TENM2: variants seen among roughly 807,000 people sequenced by gnomAD.
The protein encoded by TENM2 is teneurin-2.
TENM2 carries 52 observed loss-of-function variants against 245.2 expected under a neutral mutation model. The ratio of observed to expected loss-of-function variants is 0.21; its 90% CI spans 0.17 to 0.27. TENM2 has a LOEUF of 0.27. Among genes scored for constraint, TENM2 ranks in the 10% least tolerant of loss-of-function variants. TENM2 has a pLI of 1.00. For missense variants in TENM2, 3,046 were observed against 3,666.8 expected, an observed-to-expected ratio of 0.83 and a Z score of 4.37; for synonymous variants, 1,363 against 1,438.9, an observed-to-expected ratio of 0.95 and a Z score of 1.19.
chr5:166,993,379 C>T, the TENM2 span, among the ~76,000 whole-genome samples: 13 of 152,076 alleles, frequency 8.5e-5, no homozygotes, highest in Admixed American at 5.9e-4. Context: ...TACATAAATC[C>T]ATCTTTCAAA....
intron 2 of TENM2, among the ~76,000 whole-genome samples, chr5:167,702,697 A>G (rs111241618): frequency 0.046 from 7,006 of 151,610 alleles, 548 homozygotes; most frequent in African/African-American, 0.16. Flanking sequence ...TCCCTCTGTT[A>G]CAAGACTCTC....
At chr5:167,096,232 C>G in the TENM2 span, among the ~76,000 whole-genome samples, 5 of 152,176 alleles carry the variant, frequency 3.3e-5, no homozygotes. Context: ...CTACATCTAT[C>G]ACCTCACATA....
intron 2 of TENM2, among the ~76,000 whole-genome samples, chr5:167,503,535 T>C (rs1769350597): frequency 6.6e-6 from 1 of 150,728 alleles, no homozygotes; most frequent in Non-Finnish European, 1.5e-5. Flanking sequence ...TTTTTGGTGG[T>C]TGGAAATAAA....
At chr5:167,814,252 C>T (rs1434200395) in intron 2 of TENM2, among the ~76,000 whole-genome samples, 7 of 152,076 alleles carry the variant, frequency 4.6e-5, no homozygotes, top group African/African-American at 7.2e-5. Context: ...AGTCGTCTGT[C>T]GGAAAATAAA....
chr5:167,870,109 G>C (rs531634394), intron 2 of TENM2, among the ~76,000 whole-genome samples: 1 of 152,238 alleles, frequency 6.6e-6, no homozygotes, highest in South Asian at 2.1e-4. Flanking sequence ...TAACACAAAA[G>C]CCATGTTTTT....
chr5:167,203,331 T>C, the TENM2 span, among the ~76,000 whole-genome samples: 3 of 152,198 alleles, frequency 2.0e-5, no homozygotes, highest in African/African-American at 7.2e-5. Flanking sequence ...GTTTTTCCAA[T>C]AGAGGTCCTG....
At chr5:167,372,300 T>C (rs1424156745) in intron 1 of TENM2, among the ~76,000 whole-genome samples, 2 of 152,230 alleles carry the variant, frequency 1.3e-5, no homozygotes, top group Non-Finnish European at 2.9e-5. Context: ...TTTTTAAATG[T>C]ATGCAAATCT....
chr5:168,115,505 A>G (rs11741507), intron 9 of TENM2, among the ~76,000 whole-genome samples: 81,492 of 151,764 alleles, frequency 0.54, 22,093 homozygotes, highest in East Asian at 0.63. Flanking sequence ...ACTTTCTACC[A>G]TCCTCCACCT....
intron 2 of TENM2, among the ~76,000 whole-genome samples, chr5:167,645,152 G>A (rs1469383680): frequency 1.3e-5 from 2 of 152,150 alleles, no homozygotes; most frequent in African/African-American, 4.8e-5. Context: ...TTATTATGTG[G>A]TGCATGACTG....
intron 2 of TENM2, among the ~76,000 whole-genome samples, chr5:167,523,966 C>T (rs1770937620): frequency 6.6e-6 from 1 of 152,102 alleles, no homozygotes; most frequent in South Asian, 2.1e-4. Flanking sequence ...GTGGTCTGAT[C>T]CTTGAGTATC....
chr5:167,474,551 T>G (rs1296412506), intron 2 of TENM2, among the ~76,000 whole-genome samples: 1 of 152,006 alleles, frequency 6.6e-6, no homozygotes, highest in Non-Finnish European at 1.5e-5. Flanking sequence ...TCTCACTCTG[T>G]CGCCCAGGCT....
chr5:167,598,087 G>A (rs190658743), intron 2 of TENM2, among the ~76,000 whole-genome samples: 36 of 152,312 alleles, frequency 2.4e-4, no homozygotes, highest in Non-Finnish European at 4.7e-4. Context: ...ATGAAGGAGT[G>A]AGGCAAATCT....
intron 5 of TENM2, among the ~76,000 whole-genome samples, chr5:168,031,259 C>T (rs1434083923): frequency 6.6e-6 from 1 of 152,182 alleles, no homozygotes; most frequent in Admixed American, 6.5e-5. Context: ...GTCTCCATAA[C>T]CTCTTTTGTA....
intron 1 of TENM2, among the ~76,000 whole-genome samples, chr5:167,298,136 G>A (rs1435681075): frequency 6.6e-6 from 1 of 152,134 alleles, no homozygotes; most frequent in Non-Finnish European, 1.5e-5. Context: ...GATAATGGGC[G>A]ACGTTTCTCA....
intron 3 of TENM2, among the ~76,000 whole-genome samples, chr5:167,939,030 CA>C (rs1778960458): frequency 6.6e-6 from 1 of 150,690 alleles, no homozygotes. Flanking sequence ...GGACAGAAGG[CA>C]AAAGGAATCT....
intron 2 of TENM2, among the ~76,000 whole-genome samples, chr5:167,585,335 T>G (rs544365842): frequency 6.6e-6 from 1 of 152,328 alleles, no homozygotes; most frequent in South Asian, 2.1e-4. Flanking sequence ...GGTGACTACC[T>G]CTCTCCACTC....
intron 2 of TENM2, among the ~76,000 whole-genome samples, chr5:167,557,250 G>A (rs1354902644): frequency 1.3e-5 from 2 of 152,136 alleles, no homozygotes; most frequent in East Asian, 1.9e-4. Context: ...AGCCTATTGT[G>A]TGGTTATGTA....
At chr5:167,010,153 G>A in the TENM2 span, among the ~76,000 whole-genome samples, 2 of 152,244 alleles carry the variant, frequency 1.3e-5, no homozygotes, top group South Asian at 2.1e-4. Flanking sequence ...AGGCCAAGGC[G>A]GGTGGATCAC....
At chr5:167,813,960 A>G (rs902375332) in intron 2 of TENM2, among the ~76,000 whole-genome samples, 1 of 152,156 alleles carries the variant, frequency 6.6e-6, no homozygotes, top group Admixed American at 6.5e-5. Flanking sequence ...GTTGAGGTTC[A>G]TCTACAATGA....
Sources: gnomAD v4.1 joint callset for allele counts (sites outside exome capture counted in the v4.1 genomes callset) on GRCh38, gnomAD v4.1.1 for gene constraint, MANE v1.5 for transcripts, NCBI Gene and HGNC (gene_info 2026-07-23, HGNC 2026-07-21) for gene names.